MICU2: variants seen among roughly 807,000 people sequenced by gnomAD.
The protein encoded by MICU2 is calcium uptake protein 2, mitochondrial.
In MICU2, 64 loss-of-function variants were observed where a neutral mutation model predicts 60.4. The observed-to-expected ratio is 1.06, with a 90% CI of 0.87 to 1.31. The LOEUF (loss-of-function observed/expected upper bound fraction) is 1.31. Among genes scored for constraint, MICU2 ranks in the 50% most tolerant of loss-of-function variants. The pLI, the probability that MICU2 is intolerant of heterozygous loss-of-function variation, is 0.00. For synonymous variants in MICU2, 201 were observed against 175.0 expected (o/e 1.15, Z -1.17); for missense variants, 569 against 531.0 (o/e 1.07, Z -0.70).
intron 1 of MICU2, among the ~76,000 whole-genome samples, chr13:21,579,017 T>C (rs1888287277): frequency 6.6e-6 from 1 of 152,226 alleles, no homozygotes; most frequent in Non-Finnish European, 1.5e-5. Context: ...TCAGGCCTTA[T>C]ACCATGGTTG....
chr13:21,533,424 C>T (rs370882526), intron 4 of MICU2, among the ~76,000 whole-genome samples: 28 of 151,380 alleles, frequency 1.8e-4, no homozygotes, highest in African/African-American at 5.8e-4. Context: ...CCCGGGTTCA[C>T]GCCATTCCCC....
intron 1 of MICU2, among the ~76,000 whole-genome samples, chr13:21,584,495 AAC>A (rs1358368850): frequency 2.0e-5 from 3 of 152,156 alleles, no homozygotes; most frequent in African/African-American, 7.2e-5. Flanking sequence ...TCTAGTACAC[AAC>A]ACACAAAGTT....
chr13:21,533,416 C>CG (rs1887053134), intron 4 of MICU2, among the ~76,000 whole-genome samples: 1 of 148,696 alleles, frequency 6.7e-6, no homozygotes, highest in Admixed American at 6.7e-5. Flanking sequence ...CTCTGCCCCC[C>CG]GGGTTCACGC....
chr13:21,580,990 A>G (rs1027970163), intron 1 of MICU2, among the ~76,000 whole-genome samples: 1 of 152,238 alleles, frequency 6.6e-6, no homozygotes, highest in Non-Finnish European at 1.5e-5. Context: ...GAGATGAACT[A>G]GTGAAGAGCA....
intron 8 of MICU2, among the ~76,000 whole-genome samples, chr13:21,504,702 A>T (rs939573478): frequency 1.3e-5 from 2 of 152,078 alleles, no homozygotes; most frequent in African/African-American, 2.4e-5. Flanking sequence ...AATGGGAGAG[A>T]TCTGTTTTTC....
chr13:21,586,903 G>A (rs1312360366), intron 1 of MICU2, among the ~76,000 whole-genome samples: 1 of 152,182 alleles, frequency 6.6e-6, no homozygotes, highest in East Asian at 1.9e-4. Flanking sequence ...GTTGGTGAGA[G>A]AAGATGCTTA....
chr13:21,496,116 G>A lies in MICU2; in HGVS notation c.978C>T (p.Thr326=). ...TGGCAATAGCAAAGTCTTCCAAGTG[G>A]GTTGTAAAATGGCAAAATGACTTGA... The part of the protein sequence containing the change: ...DEFKSFCHFT[T]HLEDFAIAMQ... Residue 326 remains threonine (T), a synonymous_variant, in exon 10 of 12, where the codon ACC becomes ACT. Transcript: ENST00000382374. 6.2e-7 allele frequency: 1 copy of A among 1,613,988 alleles called. No homozygotes were observed. The highest frequency in any genetic ancestry group is 8.5e-7 in the Non-Finnish European group (1 of 1,179,962).
chr13:21,591,592 T>A (rs1318653735), intron 1 of MICU2, among the ~76,000 whole-genome samples: 2 of 152,218 alleles, frequency 1.3e-5, no homozygotes, highest in Non-Finnish European at 2.9e-5. Flanking sequence ...TAGAGCCACA[T>A]GGCACTTATT....
intron 2 of MICU2, among the ~76,000 whole-genome samples, chr13:21,549,668 T>C (rs1478044550): frequency 6.6e-6 from 1 of 152,166 alleles, no homozygotes; most frequent in Non-Finnish European, 1.5e-5. Flanking sequence ...TATCATATAC[T>C]GGTATAAGGA....
At position 21,566,796 on chromosome 13, in the gene MICU2, C is replaced by A. The variant is rs370202488; in HGVS notation, c.358+1G>T. The A allele has an allele frequency of 6.4e-7, 1 of 1,558,728 alleles. No individual in the cohort carries two copies. Among genetic ancestry groups the A allele is most frequent in the East Asian group, 2.3e-5 (1 of 43,770 alleles). ...TTAAAAAAAAAAAAGACCCAACTCACGTTCCATTTGCTCAAACATCACTGA... is the reference window on the plus strand; with the variant it reads ...TTAAAAAAAAAAAAGACCCAACTCAAGTTCCATTTGCTCAAACATCACTGA... On this transcript the variant is annotated splice_donor_variant, in intron 2 of 11. Transcript: ENST00000382374. LOFTEE classifies it high-confidence loss of function.
chr13:21,504,958 G>A (rs980881633), intron 8 of MICU2, among the ~76,000 whole-genome samples: 12 of 152,042 alleles, frequency 7.9e-5, no homozygotes, highest in Middle Eastern at 3.2e-3. Flanking sequence ...TTATAAAAAC[G>A]CTTCATGAAA....
At chr13:21,590,066 C>A (rs1888547053) in intron 1 of MICU2, among the ~76,000 whole-genome samples, 1 of 152,174 alleles carries the variant, frequency 6.6e-6, no homozygotes, top group African/African-American at 2.4e-5. Flanking sequence ...GACAGGCCAA[C>A]ATGCAGATTC....
chr13:21,545,660 G>A (rs1238335650), intron 2 of MICU2, among the ~76,000 whole-genome samples: 1 of 150,798 alleles, frequency 6.6e-6, no homozygotes, highest in African/African-American at 2.4e-5. Context: ...CAGCAAGAGC[G>A]AAAACTCCAT....
At chr13:21,593,932 T>C (rs978194968) in intron 1 of MICU2, among the ~76,000 whole-genome samples, 1 of 152,140 alleles carries the variant, frequency 6.6e-6, no homozygotes, top group East Asian at 1.9e-4. Flanking sequence ...AAAACCCTAA[T>C]AGAAAACCTA....
chr13:21,567,946 GAC>G (rs1327709393), intron 1 of MICU2, among the ~76,000 whole-genome samples: 1 of 152,196 alleles, frequency 6.6e-6, no homozygotes, highest in Non-Finnish European at 1.5e-5. Context: ...GGAGGAAGAT[GAC>G]ACAGTAGTTA....
chr13:21,580,443 G>A lies in MICU2; in HGVS notation c.211-13499C>T, dbSNP rs925716772. Among the ~76,000 whole-genome samples, 3 of 152,124 alleles carry A rather than the reference G, an allele frequency of 2.0e-5. No homozygotes were observed. In the East Asian group the frequency reaches 5.8e-4, roughly 29 times the overall value. On this transcript the variant is annotated intron_variant, in intron 1 of 11. Transcript: ENST00000382374. ...AAAACTTATTGGCGAATCTACTCCT[G>A]TGTCTTTATAATCAAGAATAATCCT...
chr13:21,559,031 G>C (rs1887775355), intron 2 of MICU2, among the ~76,000 whole-genome samples: 1 of 152,170 alleles, frequency 6.6e-6, no homozygotes, highest in African/African-American at 2.4e-5. Flanking sequence ...ACAGGGTAGG[G>C]AGGGAGTTCT....
intron 1 of MICU2, 72 bp downstream of exon 1, chr13:21,603,867 C>T (rs1566175528): frequency 6.5e-7 from 1 of 1,545,710 alleles, no homozygotes; most frequent in Non-Finnish European, 8.8e-7. Flanking sequence ...CAGAGCCAAA[C>T]CACTCCCCGC....
At chr13:21,598,319 T>C (rs1035041044) in intron 1 of MICU2, among the ~76,000 whole-genome samples, 5 of 152,174 alleles carry the variant, frequency 3.3e-5, no homozygotes, top group African/African-American at 9.7e-5. Flanking sequence ...AAATAAAATA[T>C]CACTGATATC....
Sources: gnomAD v4.1 joint callset for allele counts (sites outside exome capture counted in the v4.1 genomes callset) on GRCh38, gnomAD v4.1.1 for gene constraint, MANE v1.5 for transcripts, NCBI Gene and HGNC (gene_info 2026-07-23, HGNC 2026-07-21) for gene names.